Variants in LRP1B observed in about 807,000 individuals in gnomAD.
LRP1B encodes low-density lipoprotein receptor-related protein 1B.
A neutral mutation model predicts 556.6 loss-of-function variants in LRP1B; 217 were observed. The observed-to-expected ratio is 0.39, with a 90% confidence interval of 0.35 to 0.44. The LOEUF is 0.44. Among genes scored for constraint, LRP1B ranks in the 20% least tolerant of loss-of-function variants. The probability of loss-of-function intolerance (pLI) is 1.00; values close to 1 mark genes in which losing one functional copy is unlikely to be tolerated. For missense variants in LRP1B, 5,053 were observed against 5,620.8 expected (o/e 0.90, Z 3.23); for synonymous variants, 2,047 against 1,865.8 (o/e 1.10, Z -2.50).
At chr2:141,403,805 G>A (rs1014125038) in intron 3 of LRP1B, among the ~76,000 whole-genome samples, 1 of 152,066 alleles carries the variant, frequency 6.6e-6, no homozygotes, top group Non-Finnish European at 1.5e-5. Context: ...ATTTTTTAGT[G>A]TGGCTTTGTA....
intron 43 of LRP1B, among the ~76,000 whole-genome samples, chr2:140,561,462 G>T (rs1465002536): frequency 6.6e-6 from 1 of 152,050 alleles, no homozygotes; most frequent in African/African-American, 2.4e-5. Flanking sequence ...GTGTCTTTGG[G>T]TATTCATTCT....
chr2:140,353,788 T>C (rs999725232), intron 75 of LRP1B, among the ~76,000 whole-genome samples: 11 of 152,012 alleles, frequency 7.2e-5, no homozygotes, highest in Admixed American at 3.3e-4. Flanking sequence ...CCTTTTTTAT[T>C]GCCAGATTTT....
At chr2:140,931,754 A>C (rs1695056120) in intron 20 of LRP1B, among the ~76,000 whole-genome samples, 1 of 152,172 alleles carries the variant, frequency 6.6e-6, no homozygotes, top group Non-Finnish European at 1.5e-5. Flanking sequence ...CATCTAGAAC[A>C]CCATGAACAT....
chr2:140,655,997 A>C (rs1684868585), intron 41 of LRP1B, among the ~76,000 whole-genome samples: 1 of 152,176 alleles, frequency 6.6e-6, no homozygotes, highest in East Asian at 1.9e-4. Flanking sequence ...TACTAGTTTA[A>C]TTCCCAAAGG....
At chr2:140,907,377 G>A (rs768360980) in intron 22 of LRP1B, among the ~76,000 whole-genome samples, 1 of 152,042 alleles carries the variant, frequency 6.6e-6, no homozygotes, top group Non-Finnish European at 1.5e-5. Flanking sequence ...GCTGTTGTAT[G>A]AGGACTAAAA....
intron 3 of LRP1B, among the ~76,000 whole-genome samples, chr2:141,363,326 T>C (rs979175547): frequency 1.3e-5 from 2 of 152,202 alleles, no homozygotes; most frequent in African/African-American, 4.8e-5. Flanking sequence ...TTAGAATATT[T>C]TATTAGAACA....
intron 1 of LRP1B, among the ~76,000 whole-genome samples, chr2:141,923,769 A>C (rs1700262231): frequency 6.6e-6 from 1 of 151,870 alleles, no homozygotes; most frequent in Non-Finnish European, 1.5e-5. Flanking sequence ...TAAGTGAAAA[A>C]TATAGCTTAG....
At chr2:140,506,466 A>C (rs999646988) in intron 53 of LRP1B, among the ~76,000 whole-genome samples, 2 of 151,658 alleles carry the variant, frequency 1.3e-5, no homozygotes, top group African/African-American at 4.8e-5. Context: ...CTGGTCTCGA[A>C]CTCCTGACCT....
intron 2 of LRP1B, among the ~76,000 whole-genome samples, chr2:141,796,602 G>C (rs928875192): frequency 3.4e-5 from 2 of 58,554 alleles, no homozygotes; most frequent in South Asian, 1.0e-3. Flanking sequence ...TTTTGGCTTT[G>C]TATGACATGT....
chr2:141,381,617 A>G (rs1689645500), intron 3 of LRP1B, among the ~76,000 whole-genome samples: 1 of 152,072 alleles, frequency 6.6e-6, no homozygotes, highest in Non-Finnish European at 1.5e-5. Flanking sequence ...CAAGTTAAAA[A>G]GAAAAAAAAA....
intron 1 of LRP1B, among the ~76,000 whole-genome samples, chr2:141,875,025 T>A (rs1043128593): frequency 3.9e-5 from 6 of 151,912 alleles, no homozygotes; most frequent in African/African-American, 1.4e-4. Flanking sequence ...AATATTTGAA[T>A]AAACACCATT....
intron 19 of LRP1B, among the ~76,000 whole-genome samples, chr2:140,950,826 GT>G (rs34211812): frequency 0.032 from 4,478 of 141,230 alleles, 67 homozygotes; most frequent in African/African-American, 0.045. Context: ...ATATAAAGTT[GT>G]TTTTTTTTTT....
At chr2:140,956,204 T>C (rs1239980708) in intron 18 of LRP1B, among the ~76,000 whole-genome samples, 1 of 151,776 alleles carries the variant, frequency 6.6e-6, no homozygotes, top group Non-Finnish European at 1.5e-5. Context: ...CCTGCAATTG[T>C]TAACACTAAC....
At chr2:141,932,511 G>T (rs1395137594) in intron 1 of LRP1B, among the ~76,000 whole-genome samples, 1 of 151,976 alleles carries the variant, frequency 6.6e-6, no homozygotes, top group African/African-American at 2.4e-5. Context: ...CTATAAAATA[G>T]ACTCAGACTC....
At position 142,119,281 on chromosome 2, in the gene LRP1B, A is replaced by G. The variant is rs1205875286; in HGVS notation, c.82+11367T>C. 2.6e-5 allele frequency among the ~76,000 whole-genome samples: 4 copies of G among 152,280 alleles called. No individual in the cohort carries two copies. The East Asian group carries it at 7.7e-4, about 29-fold the overall frequency. On this transcript the variant is annotated intron_variant, in intron 1 of 90. Coordinates refer to ENST00000389484, the MANE Select transcript of LRP1B (RefSeq NM_018557.3). ...AATGATCATGTAGCATTTCCAAGGT[A>G]ATTTCTCTGGTTGAAGTAAAGTATA... is the stretch of plus-strand genomic sequence containing the variant.
rs186205913 is a variant in LRP1B, at chr2:140,363,283, A to G, written c.11131+1378T>C. On this transcript the variant is annotated intron_variant, in intron 72 of 90. Coordinates refer to ENST00000389484, the MANE Select transcript of LRP1B (RefSeq NM_018557.3). ...TATTGCTCACTGAGAGAAACGCAAAAATGTTCAGACAGTCAATCTGGATTT... is the reference window on the plus strand; with the variant it reads ...TATTGCTCACTGAGAGAAACGCAAAGATGTTCAGACAGTCAATCTGGATTT... 4.0e-5 allele frequency among the ~76,000 whole-genome samples: 6 copies of G among 151,630 alleles called. No homozygotes were observed. The East Asian group carries it at 9.8e-4, about 25-fold the overall frequency.
intron 2 of LRP1B, among the ~76,000 whole-genome samples, chr2:141,544,335 T>C (rs866887396): frequency 4.2e-4 from 28 of 66,748 alleles, no homozygotes; most frequent in African/African-American, 1.5e-3. Context: ...CTTCTTCTTC[T>C]TCTTCTTCTT....
At chr2:141,215,944 C>T (rs1682787399) in intron 6 of LRP1B, among the ~76,000 whole-genome samples, 1 of 152,224 alleles carries the variant, frequency 6.6e-6, no homozygotes. Flanking sequence ...AGAATTCAAG[C>T]AGGCTGCTGA....
At chr2:141,623,514 C>T (rs1336469029) in intron 2 of LRP1B, among the ~76,000 whole-genome samples, 1 of 152,066 alleles carries the variant, frequency 6.6e-6, no homozygotes, top group Non-Finnish European at 1.5e-5. Flanking sequence ...ATAGCAATCC[C>T]CACTGTTCTC....
Sources: gnomAD v4.1 joint callset for allele counts (sites outside exome capture counted in the v4.1 genomes callset) on GRCh38, gnomAD v4.1.1 for gene constraint, MANE v1.5 for transcripts, NCBI Gene and HGNC (gene_info 2026-07-23, HGNC 2026-07-21) for gene names.